PLEKHA8: variants seen among roughly 807,000 people sequenced by gnomAD.
PLEKHA8 encodes the protein pleckstrin homology domain-containing family A member 8.
Under a neutral mutation model 68.2 loss-of-function variants are expected in PLEKHA8, and 36 were observed. The observed-to-expected ratio is 0.53, with a 90% confidence interval of 0.40 to 0.70. The LOEUF is 0.70. Among genes scored for constraint, PLEKHA8 ranks in the 30% least tolerant of loss-of-function variants. The pLI is 0.00. For missense variants in PLEKHA8, 505 were observed against 615.4 expected, an observed-to-expected ratio of 0.82 and a Z score of 1.90; for synonymous variants, 211 against 216.1, an observed-to-expected ratio of 0.98 and a Z score of 0.20.
intron 3 of PLEKHA8, among the ~76,000 whole-genome samples, chr7:30,046,884 GT>G (rs1360939722): frequency 5.3e-5 from 8 of 152,128 alleles, no homozygotes; most frequent in African/African-American, 1.9e-4. Flanking sequence ...TCAGGTTCCT[GT>G]TGCTTAATGC....
chr7:30,066,701 A>G (rs1227772760), intron 12 of PLEKHA8, among the ~76,000 whole-genome samples: 1 of 152,242 alleles, frequency 6.6e-6, no homozygotes, highest in African/African-American at 2.4e-5. Context: ...CATTTCATGC[A>G]CCATTGTATT....
At chr7:30,115,617 CACACATACATGT>C (rs1247587191) in intron 13 of PLEKHA8, among the ~76,000 whole-genome samples, 21 of 151,632 alleles carry the variant, frequency 1.4e-4, no homozygotes, top group South Asian at 4.2e-4. Context: ...TTTATACATG[CACACATACATGT>C]ACACATACAT....
intron 13 of PLEKHA8, among the ~76,000 whole-genome samples, chr7:30,106,876 A>T (rs1012296669): frequency 2.0e-5 from 3 of 152,206 alleles, no homozygotes; most frequent in African/African-American, 4.8e-5. Context: ...GTTACATGCA[A>T]ATGCTGGTCC....
At chr7:30,034,702 T>C (rs1562849905) in intron 1 of PLEKHA8, among the ~76,000 whole-genome samples, 1 of 152,212 alleles carries the variant, frequency 6.6e-6, no homozygotes, top group Non-Finnish European at 1.5e-5. Flanking sequence ...TTGGTTTTGC[T>C]ATCTCAGGGT....
chr7:30,113,387 T>C (rs907596059), intron 13 of PLEKHA8, among the ~76,000 whole-genome samples: 1 of 152,234 alleles, frequency 6.6e-6, no homozygotes, highest in Non-Finnish European at 1.5e-5. Context: ...ATTTTGAAGA[T>C]ATTTTTTCTG....
intron 13 of PLEKHA8, among the ~76,000 whole-genome samples, chr7:30,096,678 T>C (rs1795634124): frequency 6.6e-6 from 1 of 152,192 alleles, no homozygotes. Context: ...TCCATTTGCT[T>C]GGTAGATCTT....
Position 30,047,857 on chromosome 7 carries a change from G to C in PLEKHA8, c.339G>C (p.Leu113Phe), listed in dbSNP as rs757686239. 1 of 1,609,930 alleles carries C rather than the reference G, an allele frequency of 6.2e-7. No homozygotes were observed. The highest frequency in any genetic ancestry group is 1.1e-5 in the South Asian group (1 of 90,750). Residue 113 changes from leucine (L) to phenylalanine (F), a missense_variant, in exon 4 of 14, where the codon TTG becomes TTC. By Grantham distance (22) the Leu-to-Phe change is conservative. Coordinates refer to ENST00000449726, the MANE Select transcript of PLEKHA8 (RefSeq NM_001197026.2). ...EKEFAENTEN[L>F]KTKMSELRLY... ...AGTTTGCTGAAAACACTGAAAACTT[G>C]AAAACCAAAATGTCAGAACTAAGAC...
intron 13 of PLEKHA8, among the ~76,000 whole-genome samples, chr7:30,120,171 A>C (rs544142424): frequency 6.8e-4 from 65 of 95,244 alleles, no homozygotes; most frequent in African/African-American, 3.3e-3. Context: ...AAAAAAAAAC[A>C]AAAAAAAAAA....
intron 9 of PLEKHA8, among the ~76,000 whole-genome samples, chr7:30,057,215 C>T (rs560627907): frequency 6.6e-6 from 1 of 152,106 alleles, no homozygotes; most frequent in South Asian, 2.1e-4. Context: ...CCTGAAATAA[C>T]CATTTTATTG....
chr7:30,031,890 G>A (rs1583757343), intron 1 of PLEKHA8, among the ~76,000 whole-genome samples: 1 of 151,898 alleles, frequency 6.6e-6, no homozygotes, highest in East Asian at 1.9e-4. Context: ...TTATGTGAGT[G>A]TATTTCTAGA....
chr7:30,129,230 T>C, intron 13 of PLEKHA8: 1 of 1,612,834 alleles, frequency 6.2e-7, no homozygotes, highest in African/African-American at 1.3e-5. Context: ...AGTTGGCCTG[T>C]GTTCCTCTGT....
rs116220147 is a variant in PLEKHA8, at chr7:30,079,270, T to C, written c.*483T>C. The C allele has an allele frequency of 1.6e-3, 1,591 of 989,724 alleles. 22 individuals carry two copies. The African/African-American group carries it at 0.026, about 16-fold the overall frequency. 61.3% of individuals were successfully genotyped at this position (989,724 alleles called of 1,614,324 possible). On this transcript the variant is annotated 3_prime_UTR_variant, in exon 14 of 14. Transcript: ENST00000449726. ...TTTGCTGTTCCTAGATGTTCTTCAG[T>C]GGACCCTCTTCACTGCAACTCTGTC...
At chr7:30,103,447 A>T (rs370675576) in intron 13 of PLEKHA8, among the ~76,000 whole-genome samples, 1 of 152,224 alleles carries the variant, frequency 6.6e-6, no homozygotes, top group East Asian at 1.9e-4. Context: ...CCTAAAATGT[A>T]TGTAGAAATG....
intron 13 of PLEKHA8, among the ~76,000 whole-genome samples, chr7:30,126,250 G>A (rs1361954162): frequency 6.6e-6 from 1 of 151,952 alleles, no homozygotes; most frequent in Non-Finnish European, 1.5e-5. Flanking sequence ...GAGCTTCATG[G>A]AGAAGGACTG....
rs1415989708 is a variant in PLEKHA8 at position 30,047,823 on chromosome 7, G to A, written c.314-9G>A. 1.2e-6 allele frequency: 2 copies of A among 1,607,472 alleles called. No individual in the cohort carries two copies. The highest frequency in any genetic ancestry group is 2.2e-5 in the East Asian group (1 of 44,508). ...CTGGTTACTGCATTATCATCATTTTGTCATTTAGAGTTTGCTGAAAACACT... is the reference window on the plus strand; with the variant it reads ...CTGGTTACTGCATTATCATCATTTTATCATTTAGAGTTTGCTGAAAACACT... On this transcript the variant is annotated splice_polypyrimidine_tract_variant and intron_variant, in intron 3 of 13. Transcript: ENST00000449726.
At chr7:30,085,280 G>A (rs1665787948), downstream of PLEKHA8, among the ~76,000 whole-genome samples, 1 of 152,162 alleles carries the variant, frequency 6.6e-6, no homozygotes, top group Non-Finnish European at 1.5e-5. Flanking sequence ...AACCTAAACA[G>A]AAGACCATTT....
In PLEKHA8 at chr7:30,079,584, C is replaced by A. The variant is rs1794821664; in HGVS notation, c.*797C>A. On this transcript the variant is annotated 3_prime_UTR_variant, in exon 14 of 14. Coordinates refer to ENST00000449726, the MANE Select transcript of PLEKHA8 (RefSeq NM_001197026.2). ...GTAATGATACCCAGAGGGATTATTACTCCACTTCAAAAGCAAGGTTTAGAA... is the reference window on the plus strand; with the variant it reads ...GTAATGATACCCAGAGGGATTATTAATCCACTTCAAAAGCAAGGTTTAGAA... 1.2e-6 allele frequency: 1 copy of A among 852,578 alleles called. No individual in the cohort carries two copies. Among genetic ancestry groups the A allele is most frequent in the African/African-American group, 1.8e-5 (1 of 54,374 alleles). The allele number at this position is 852,578 out of a possible 1,614,324, so 52.8% of individuals were successfully genotyped here.
rs544861316 is a variant in PLEKHA8, at chr7:30,103,080, AAGAG to A, written c.1363-26174_1363-26171del. ...CAAGACCTTGTCTTTAAAAAAAAGA[AAGAG>A]AGAGAGAGAGATTACCAGGTGCTGG... is the stretch of plus-strand genomic sequence containing the variant. On this transcript the variant is annotated intron_variant, in intron 13 of 13. Transcript: ENST00000396257. Among the ~76,000 whole-genome samples, 49 of 152,008 alleles carry A rather than the reference AAGAG, an allele frequency of 3.2e-4. No individual in the cohort carries two copies. The East Asian group carries it at 5.4e-3, about 17-fold the overall frequency.
intron 9 of PLEKHA8, among the ~76,000 whole-genome samples, chr7:30,057,208 G>A (rs1037072202): frequency 1.3e-5 from 2 of 151,940 alleles, no homozygotes; most frequent in South Asian, 2.1e-4. Flanking sequence ...CACTCAGCCT[G>A]AAATAACCAT....
Sources: gnomAD v4.1 joint callset for allele counts (sites outside exome capture counted in the v4.1 genomes callset) on GRCh38, gnomAD v4.1.1 for gene constraint, MANE v1.5 for transcripts, NCBI Gene and HGNC (gene_info 2026-07-23, HGNC 2026-07-21) for gene names.